STK31: variants seen among roughly 807,000 people sequenced by gnomAD.
The protein encoded by STK31 is serine/threonine-protein kinase 31.
Under a neutral mutation model 129.7 loss-of-function variants are expected in STK31, and 89 were observed. That is an observed-to-expected ratio of 0.69 (90% CI 0.58 to 0.82). The LOEUF is 0.82. STK31 is among the 40% of genes least tolerant of loss of function. The pLI, the probability that STK31 is intolerant of heterozygous loss-of-function variation, is 0.00. For synonymous variants in STK31, 448 were observed against 395.3 expected (o/e 1.13, Z -1.58); for missense variants, 1,187 against 1,176.4 (o/e 1.01, Z -0.13).
At chr7:23,752,620 C>CA in intron 8 of STK31, 97 bp from the exon 9 acceptor site, 1 of 812,434 alleles carries the variant, frequency 1.2e-6, no homozygotes, top group Non-Finnish European at 2.1e-6. Context: ...GAATTACAGG[C>CA]ATGAGCCACT....
At chr7:23,721,821 C>G in intron 4 of STK31, 1 of 556,146 alleles carries the variant, frequency 1.8e-6, no homozygotes, top group East Asian at 3.4e-5. Context: ...CCTCTACATT[C>G]ATTTGATCTT....
chr7:23,810,039 C>T (rs577731596), intron 22 of STK31, among the ~76,000 whole-genome samples: 1 of 152,166 alleles, frequency 6.6e-6, no homozygotes, highest in South Asian at 2.1e-4. Context: ...TGTAGACTTG[C>T]CTATTTCTCC....
chr7:23,794,437 C>T (rs1791828724), intron 22 of STK31, among the ~76,000 whole-genome samples: 1 of 152,154 alleles, frequency 6.6e-6, no homozygotes, highest in Admixed American at 6.5e-5. Flanking sequence ...TTATAAATTA[C>T]CCAGTCTTGG....
At chr7:23,711,499 T>C (rs1390550208) in intron 1 of STK31, among the ~76,000 whole-genome samples, 1 of 152,076 alleles carries the variant, frequency 6.6e-6, no homozygotes, top group Non-Finnish European at 1.5e-5. Context: ...GAAAGTGCAG[T>C]ATTTTAGTAT....
Position 23,778,243 on chromosome 7 carries a change from A to C in STK31, c.1966-3176A>C, listed in dbSNP as rs140337937. Among the ~76,000 whole-genome samples, 96 of 152,210 alleles carry C rather than the reference A, an allele frequency of 6.3e-4. No individual in the cohort carries two copies. The East Asian group carries it at 0.017, about 26-fold the overall frequency. On this transcript the variant is annotated intron_variant, in intron 15 of 23. Transcript: ENST00000355870. ...TGGGCTTCCCTTTGTGAGTAACCCA[A>C]CCTTTCTCTCTGGCTTCCCTTAACA...
At chr7:23,809,113 C>T (rs893195736) in intron 22 of STK31, among the ~76,000 whole-genome samples, 2 of 151,856 alleles carry the variant, frequency 1.3e-5, no homozygotes, top group African/African-American at 4.8e-5. Flanking sequence ...CTTCTTCTTT[C>T]CATCTTTTAG....
chr7:23,742,862 A>G (rs1788131245), intron 8 of STK31, among the ~76,000 whole-genome samples: 3 of 149,486 alleles, frequency 2.0e-5, no homozygotes, highest in Admixed American at 2.0e-4. Context: ...CTCATTGTTT[A>G]TCATTGTGGT....
At chr7:23,730,987 C>T (rs1481459477) in intron 6 of STK31, among the ~76,000 whole-genome samples, 7 of 147,452 alleles carry the variant, frequency 4.7e-5, no homozygotes, top group South Asian at 2.2e-4. Context: ...TGGGTTCAAG[C>T]GATTCTCCTG....
At chr7:23,794,570 G>T (rs762958067) in intron 22 of STK31, among the ~76,000 whole-genome samples, 41 of 152,140 alleles carry the variant, frequency 2.7e-4, no homozygotes, top group Non-Finnish European at 5.6e-4. Context: ...ATGGGCAGAG[G>T]TTGGAGGGCT....
chr7:23,786,892 G>C lies in STK31; in HGVS notation c.2455G>C (p.Ala819Pro). 6.2e-7 allele frequency: 1 copy of C among 1,613,926 alleles called. No individual in the cohort carries two copies. The highest frequency in any genetic ancestry group is 8.5e-7 in the Non-Finnish European group (1 of 1,179,898). The change falls in exon 20 of 24, where the codon GCT becomes CCT. Residue 819 changes from alanine (A) to proline (P), a missense_variant. Physicochemically the swap from Ala to Pro is conservative, Grantham distance 27 (BLOSUM62 -1). This residue lies in a region of STK31 where 975 missense variants were observed against 934.9 expected (regional missense o/e 1.04). Coordinates refer to ENST00000355870, the MANE Select transcript of STK31 (RefSeq NM_031414.5). ...ATACTACCCTAGGGCAAACCTGAAT[G>C]CTGTTCAAGCCAACATGCCTTTAAA... ...VPYYPRANLN[A>P]VQANMPLNSE...
At chr7:23,828,744 G>C (rs1474128725) in intron 23 of STK31, among the ~76,000 whole-genome samples, 1 of 151,968 alleles carries the variant, frequency 6.6e-6, no homozygotes, top group African/African-American at 2.4e-5. Context: ...TCCACCCCCT[G>C]ACTTGTTCTT....
chr7:23,806,901 GAAAA>G (rs34751124), intron 22 of STK31, among the ~76,000 whole-genome samples: 4 of 76,004 alleles, frequency 5.3e-5, no homozygotes, highest in East Asian at 4.6e-4. Flanking sequence ...CTCCGTCTCA[GAAAA>G]AAAAAAAAAA....
chr7:23,791,023 T>C, intron 22 of STK31, 77 bp downstream of exon 22: 1 of 1,195,144 alleles, frequency 8.4e-7, no homozygotes, highest in Admixed American at 3.8e-5. Flanking sequence ...ATAGTGATTC[T>C]CCTTAAAAAT....
chr7:23,816,059 G>A (rs995407027), intron 23 of STK31, among the ~76,000 whole-genome samples: 5 of 151,984 alleles, frequency 3.3e-5, no homozygotes, highest in Admixed American at 2.0e-4. Context: ...ACCTTCTAAT[G>A]TCCCACGAAA....
At chr7:23,799,800 T>A (rs78442231) in intron 22 of STK31, among the ~76,000 whole-genome samples, 10,379 of 152,100 alleles carry the variant, frequency 0.068, 372 homozygotes, top group East Asian at 0.13. Flanking sequence ...AGTGAACAGG[T>A]AACCTACAGA....
chr7:23,780,064 C>G (rs1243772899), intron 15 of STK31, among the ~76,000 whole-genome samples: 1 of 152,176 alleles, frequency 6.6e-6, no homozygotes, highest in African/African-American at 2.4e-5. Flanking sequence ...GGCACAGTCC[C>G]TCATGGCTTC....
At chr7:23,784,613 C>T (rs554971638) in intron 17 of STK31, among the ~76,000 whole-genome samples, 2 of 151,972 alleles carry the variant, frequency 1.3e-5, no homozygotes, top group Non-Finnish European at 2.9e-5. Context: ...TGATGTTTAA[C>T]TGTAATGTAT....
At chr7:23,797,387 C>A (rs1297777885) in intron 22 of STK31, among the ~76,000 whole-genome samples, 1 of 151,590 alleles carries the variant, frequency 6.6e-6, no homozygotes, top group Non-Finnish European at 1.5e-5. Context: ...TCAGCAAATG[C>A]AAAAGAATGG....
intron 21 of STK31, 49 bp downstream of exon 21, chr7:23,788,178 A>G (rs1483223681): frequency 6.7e-7 from 1 of 1,502,194 alleles, no homozygotes; most frequent in Non-Finnish European, 9.0e-7. Flanking sequence ...ATTTAATATT[A>G]TTAAGCAGTA....
Sources: allele counts gnomAD v4.1 joint callset (sites outside exome capture counted in the v4.1 genomes callset), GRCh38; gene constraint gnomAD v4.1.1; regional missense constraint gnomAD v4.1.1; transcripts MANE v1.5; gene names NCBI Gene and HGNC (gene_info 2026-07-23, HGNC 2026-07-21).